The following EED variants were observed in gnomAD, a reference collection of about 807,000 sequenced individuals.
The protein encoded by EED is polycomb protein EED.
A neutral mutation model predicts 61.0 loss-of-function variants in EED; 9 were observed. The ratio of observed to expected loss-of-function variants is 0.15; its 90% CI spans 0.09 to 0.26. EED has a LOEUF of 0.26. Ranked by LOEUF, EED falls within the 10% of genes least tolerant of loss-of-function variation. EED has a pLI of 1.00. For synonymous variants in EED, 187 were observed against 174.4 expected (o/e 1.07, Z -0.57); for missense variants, 315 against 542.3 (o/e 0.58, Z 4.16).
At chr11:86,255,352 A>T in intron 4 of EED, 65 bp downstream of exon 4, 1 of 1,274,004 alleles carries the variant, frequency 7.8e-7, no homozygotes, top group Non-Finnish European at 1.1e-6. Flanking sequence ...GTGCACCAAA[A>T]CTTTTATAAA....
downstream of EED, among the ~76,000 whole-genome samples, chr11:86,283,491 G>C (rs988815517): frequency 5.3e-5 from 8 of 152,162 alleles, no homozygotes; most frequent in Admixed American, 2.6e-4. Flanking sequence ...GTCTATATGA[G>C]AGCAGGGTTT....
intron 9 of EED, among the ~76,000 whole-genome samples, chr11:86,271,329 A>T (rs951998443): frequency 6.6e-6 from 1 of 152,186 alleles, no homozygotes; most frequent in Non-Finnish European, 1.5e-5. Flanking sequence ...TTATGTGTTC[A>T]TAACTAATAT....
At chr11:86,277,282 T>C in intron 10 of EED, 144 bp downstream of exon 10, 1 of 682,126 alleles carries the variant, frequency 1.5e-6, no homozygotes, top group Non-Finnish European at 2.2e-6. Flanking sequence ...TTTGATGTCA[T>C]TCATCAAATA....
chr11:86,248,119 T>G lies in EED; in HGVS notation c.115-2177T>G, dbSNP rs11606696. Among the ~76,000 whole-genome samples, 1,346 of 152,328 alleles carry G rather than the reference T, an allele frequency of 8.8e-3. 10 individuals carry two copies. Among genetic ancestry groups the G allele is most frequent in the South Asian group, 0.024 (114 of 4,826 alleles). On this transcript the variant is annotated intron_variant, in intron 1 of 11. Transcript: ENST00000263360. ...TGTGTCTCTTTCCTCGTTGGGCAAG[T>G]GAAGATGGTAGTACCATGTCTGTTG...
Position 86,268,545 on chromosome 11 carries a change from A to G in EED, c.950A>G (p.Asp317Gly). 6.2e-7 allele frequency: 1 copy of G among 1,610,274 alleles called. No homozygotes were observed. The highest frequency in any genetic ancestry group is 8.5e-7 in the Non-Finnish European group (1 of 1,178,638). The change falls in exon 9 of 12, where the codon GAT becomes GGT. Residue 317 changes from aspartate (D) to glycine (G), a missense_variant. Around this residue, in one of 2 missense-constraint regions of EED, gnomAD observed 205 missense variants for 455.4 expected, o/e 0.45. Transcript: ENST00000263360. ...NYVDCVRWLG[D>G]LILSKSCENA... Reference sequence around the variant, plus strand: ...GTTGATTGTGTGCGATGGTTAGGCGATTTGATACTTTCTAAGGTATGGTAA... The same window carrying G: ...GTTGATTGTGTGCGATGGTTAGGCGGTTTGATACTTTCTAAGGTATGGTAA...
intron 9 of EED, among the ~76,000 whole-genome samples, chr11:86,274,124 G>T: frequency 6.8e-6 from 1 of 146,038 alleles, no homozygotes; most frequent in African/African-American, 2.5e-5. Flanking sequence ...TGTTCAGATT[G>T]GGTAATTTCT....
chr11:86,264,085 TA>T (rs1335235779), intron 6 of EED, 86 bp from the exon 7 acceptor site: 1 of 1,028,698 alleles, frequency 9.7e-7, no homozygotes. Flanking sequence ...AACTTACATC[TA>T]GACTTTAGTA....
intron 6 of EED, among the ~76,000 whole-genome samples, chr11:86,258,543 C>T (rs11234596): frequency 0.34 from 49,659 of 144,804 alleles, 9,077 homozygotes; most frequent in South Asian, 0.42. Flanking sequence ...TTTCTCTTTT[C>T]TTTGTTTTTT....
chr11:86,280,097 A>T (rs1311082745), downstream of EED, among the ~76,000 whole-genome samples: 1 of 151,948 alleles, frequency 6.6e-6, no homozygotes, highest in Admixed American at 6.6e-5. Context: ...TTTGTTTTTT[A>T]ATTTTTTTGG....
At chr11:86,269,323 G>GGT (rs138312744) in intron 9 of EED, among the ~76,000 whole-genome samples, 93 of 149,946 alleles carry the variant, frequency 6.2e-4, no homozygotes, top group Admixed American at 1.3e-3. Flanking sequence ...AGGCCATCTG[G>GGT]GTGTGTGTGT....
chr11:86,264,730 A>G lies in EED; in HGVS notation c.726+467A>G, dbSNP rs79077112. ...AGCCATTCTCTTTGGGTGGCGTGGT[A>G]TAATACAAGACCAGTTTAAAGATAA... On this transcript the variant is annotated intron_variant, in intron 7 of 11. Transcript: ENST00000263360. 513 of 152,786 alleles carry G rather than the reference A, an allele frequency of 3.4e-3. 19 individuals are homozygous for G. In the East Asian group the frequency reaches 0.092, roughly 27 times the overall value. The allele number at this position is 152,786 out of a possible 1,614,324, so 9.5% of individuals were successfully genotyped here.
chr11:86,244,871 C>T lies in EED; in HGVS notation c.-359C>T. 1 of 252,664 alleles carries T rather than the reference C, an allele frequency of 4.0e-6. No individual in the cohort carries two copies. Among genetic ancestry groups the T allele is most frequent in the Non-Finnish European group, 7.7e-6 (1 of 130,686 alleles). 15.7% of individuals were successfully genotyped at this position (252,664 alleles called of 1,614,324 possible). On this transcript the variant is annotated 5_prime_UTR_variant, in exon 1 of 12. Coordinates refer to ENST00000263360, the MANE Select transcript of EED (RefSeq NM_003797.5). ...GGGAGCATCCCTTTGAGTTTCGCCT[C>T]TTCTCGAGGCGGTGGTGGGAAGGGA...
In EED at chr11:86,264,272, G is replaced by A; in HGVS notation, c.726+9G>A. On this transcript the variant is annotated intron_variant, in intron 7 of 11. Coordinates refer to ENST00000263360, the MANE Select transcript of EED (RefSeq NM_003797.5). ...ATGAAGTTCTAAGTGCTGTAAGTTG[G>A]AAACTGCAGGGCAATGACTTTCAGG... is the stretch of plus-strand genomic sequence containing the variant. 2 of 1,602,480 alleles carry A rather than the reference G, an allele frequency of 1.2e-6. No homozygotes were observed. Among genetic ancestry groups the A allele is most frequent in the Non-Finnish European group, 1.7e-6 (2 of 1,169,522 alleles).
chr11:86,281,914 C>A (rs1470032262), downstream of EED, among the ~76,000 whole-genome samples: 1 of 152,164 alleles, frequency 6.6e-6, no homozygotes, highest in East Asian at 1.9e-4. Context: ...AAAGATAAAA[C>A]CAGCTTTGAT....
chr11:86,267,032 T>G (rs1157261000), intron 8 of EED, among the ~76,000 whole-genome samples: 2 of 152,198 alleles, frequency 1.3e-5, no homozygotes, highest in Non-Finnish European at 2.9e-5. Flanking sequence ...AGTTTTACCT[T>G]TCTCCTTTAA....
intron 6 of EED, among the ~76,000 whole-genome samples, chr11:86,262,325 T>G (rs1219367453): frequency 2.0e-5 from 3 of 152,268 alleles, no homozygotes; most frequent in Non-Finnish European, 2.9e-5. Context: ...CTGTGAATGC[T>G]TTGATGCTCA....
the EED span, among the ~76,000 whole-genome samples, chr11:86,286,629 A>G: frequency 6.6e-6 from 1 of 152,150 alleles, no homozygotes; most frequent in East Asian, 1.9e-4. Context: ...ACAAGGTATC[A>G]TCTAGGACAG....
chr11:86,285,026 A>C, the EED span, among the ~76,000 whole-genome samples: 1 of 152,178 alleles, frequency 6.6e-6, no homozygotes, highest in African/African-American at 2.4e-5. Context: ...CATGAGAATC[A>C]CTTGAGCCCG....
At chr11:86,269,198 A>C (rs72963983) in intron 9 of EED, among the ~76,000 whole-genome samples, 17 of 152,350 alleles carry the variant, frequency 1.1e-4, no homozygotes, top group Non-Finnish European at 1.8e-4. Flanking sequence ...CACATACTGC[A>C]TACTGCTAGC....
Sources: gnomAD v4.1 joint callset for allele counts (sites outside exome capture counted in the v4.1 genomes callset) on GRCh38, gnomAD v4.1.1 for gene constraint, gnomAD v4.1.1 regional missense constraint, MANE v1.5 for transcripts, NCBI Gene and HGNC (gene_info 2026-07-23, HGNC 2026-07-21) for gene names.